The following HID1 variants were observed in gnomAD, a reference collection of about 807,000 sequenced individuals.
HID1 encodes the protein HID1 domain containing, also known as protein HID1.
Under a neutral mutation model 89.7 loss-of-function variants are expected in HID1, and 42 were observed. That is an observed-to-expected ratio of 0.47 (90% confidence interval 0.37 to 0.61). HID1 has a LOEUF of 0.61. Ranked by LOEUF, HID1 falls within the 20% of genes least tolerant of loss-of-function variation. HID1 has a pLI of 0.00. For synonymous variants in HID1, 442 were observed against 433.8 expected (o/e 1.02, Z -0.24); for missense variants, 854 against 1,039.3 (o/e 0.82, Z 2.45).
At chr17:74,956,709 C>T (rs775129259) in intron 12 of HID1, among the ~76,000 whole-genome samples, 1 of 152,246 alleles carries the variant, frequency 6.6e-6, no homozygotes, top group Non-Finnish European at 1.5e-5. Flanking sequence ...ACAGACCAGC[C>T]ACCCCTAGCC....
intron 13 of HID1, among the ~76,000 whole-genome samples, chr17:74,955,135 A>T (rs1161533398): frequency 1.3e-5 from 2 of 152,222 alleles, no homozygotes; most frequent in Non-Finnish European, 2.9e-5. Flanking sequence ...TGCCCTGGTC[A>T]CAGGGCTAAC....
intron 1 of HID1, among the ~76,000 whole-genome samples, chr17:74,968,271 T>C (rs2039592537): frequency 7.8e-6 from 1 of 127,698 alleles, no homozygotes; most frequent in African/African-American, 3.0e-5. Context: ...TGAAGCCCCA[T>C]CAGTCCCTGA....
intron 6 of HID1, 135 bp from the exon 7 acceptor site, chr17:74,960,383 G>T: frequency 1.3e-6 from 1 of 746,280 alleles, no homozygotes; most frequent in Non-Finnish European, 2.2e-6. Flanking sequence ...GGCTTGGAAA[G>T]AGTGGGTGTG....
chr17:74,958,219 C>T lies in HID1; in HGVS notation c.1393G>A (p.Val465Met), dbSNP rs1166270806. 1 of 1,610,334 alleles carries T rather than the reference C, an allele frequency of 6.2e-7. No individual in the cohort carries two copies. The highest frequency in any genetic ancestry group is 8.5e-7 in the Non-Finnish European group (1 of 1,178,494). The stretch of plus-strand genomic sequence containing the variant: ...CCGCTGGTGATGATCTTGTGGAACA[C>T]CTGTGCCAGGAGGGACAGAGGCACC... ...TGTHADLLIV[V>M]FHKIITSGHQ... The change falls in exon 12 of 19, where the codon GTG becomes ATG. Residue 465 changes from valine to methionine, a missense_variant and splice_region_variant. Physicochemically the swap from Val to Met is conservative, Grantham distance 21. Coordinates refer to ENST00000425042, the MANE Select transcript of HID1 (RefSeq NM_030630.3). The surrounding 1 kb of genome is among the most constrained non-coding windows in gnomAD (Gnocchi z 5.2).
Position 74,959,098 on chromosome 17 carries a change from A to G in HID1, c.1009-47T>C. On this transcript the variant is annotated intron_variant, in intron 8 of 18. Coordinates refer to ENST00000425042, the MANE Select transcript of HID1 (RefSeq NM_030630.3). This position sits in a 1 kb window ranked among gnomAD's most constrained non-coding sequence, Gnocchi z 4.6. ...GGGGCCTGTCCAGCCCAATCCCTGC[A>G]GCTCCAGTTTCCCAGCCCAGGCCCC... 6.7e-7 allele frequency: 1 copy of G among 1,490,958 alleles called. No homozygotes were observed. The highest frequency in any genetic ancestry group is 1.4e-5 in the South Asian group (1 of 69,862). 92.4% of individuals were successfully genotyped at this position (1,490,958 alleles called of 1,614,324 possible). A position where few individuals can be genotyped will look rare whatever the true frequency, so the allele number is the denominator to read the frequency against.
chr17:74,951,854 C>T (rs374215717), intron 18 of HID1, 51 bp downstream of exon 18: 38 of 1,469,418 alleles, frequency 2.6e-5, no homozygotes, highest in Non-Finnish European at 3.1e-5. Flanking sequence ...CCCTGTTGAG[C>T]CCTGCTGGGC....
chr17:74,952,115 G>A lies in HID1; in HGVS notation c.2145-52C>T, dbSNP rs756921959. Reference sequence around the variant, plus strand: ...CACTCACGTGGTCCAGGGGAGCACGGGGCTCACCCTGGCCACCCAAGACCC... The same window carrying A: ...CACTCACGTGGTCCAGGGGAGCACGAGGCTCACCCTGGCCACCCAAGACCC... On this transcript the variant is annotated intron_variant, in intron 17 of 18. Coordinates refer to ENST00000425042, the MANE Select transcript of HID1 (RefSeq NM_030630.3). 5 of 1,535,632 alleles carry A rather than the reference G, an allele frequency of 3.3e-6. No individual in the cohort carries two copies. In the South Asian group the frequency reaches 3.6e-5, roughly 11 times the overall value.
In HID1 at chr17:74,964,539, C is replaced by G; in HGVS notation, c.160G>C (p.Glu54Gln). Residue 54 changes from glutamate (E) to glutamine (Q), a missense_variant, in exon 2 of 19, where the codon GAG (glutamate) becomes CAG (glutamine). Glu to Gln is a conservative substitution (Grantham distance 29). Transcript: ENST00000425042. Reference protein sequence around the residue: ...QDVFALVPAAEIRAVREESPS... With the variant: ...QDVFALVPAAQIRAVREESPS... ...GACTCTTCCCGCACGGCCCGGATCT[C>G]TGCTGCCGGCACCAGTGCAAACACA... The G allele has an allele frequency of 6.2e-7, 1 of 1,610,176 alleles. No individual in the cohort carries two copies. The highest frequency in any genetic ancestry group is 2.2e-5 in the East Asian group (1 of 44,796).
chr17:74,956,729 C>T, intron 12 of HID1, among the ~76,000 whole-genome samples: 1 of 152,232 alleles, frequency 6.6e-6, no homozygotes, highest in Non-Finnish European at 1.5e-5. Flanking sequence ...CACAACCATC[C>T]TCTCCAAAAG....
rs1027447739 is a variant in HID1, at chr17:74,962,998, G to C, written c.471C>G (p.Asp157Glu). The C allele has an allele frequency of 6.2e-7, 1 of 1,613,658 alleles. No individual in the cohort carries two copies. Residue 157 changes from aspartate to glutamate, a missense_variant, in exon 4 of 19, where the codon GAC becomes GAG. By Grantham distance (45) the Asp-to-Glu change is conservative. Transcript: ENST00000425042. The surrounding 1 kb of genome is among the most constrained non-coding windows in gnomAD (Gnocchi z 4.3). ...TCCTCCGGTGGCTCTGAACCGTGAA[G>C]TCCGGGCAGAAGAGCAGGTCAGCAA... is the stretch of plus-strand genomic sequence containing the variant. ...LAIADLLFCP[D>E]FTVQSHRRST...
chr17:74,958,856 G>T lies in HID1; in HGVS notation c.1149+55C>A. ...AGTCTGACACTGTCCCTGCCCCCGG[G>T]TTATTGGGGCAGCTGCTCTCCATCT... On this transcript the variant is annotated intron_variant, in intron 9 of 18. Coordinates refer to ENST00000425042, the MANE Select transcript of HID1 (RefSeq NM_030630.3). This position sits in a 1 kb window ranked among gnomAD's most constrained non-coding sequence, Gnocchi z 5.2. 6.3e-7 allele frequency: 1 copy of T among 1,582,418 alleles called. No individual in the cohort carries two copies.
In HID1 at chr17:74,952,075, G is replaced by A. The variant is rs1297793632; in HGVS notation, c.2145-12C>T. ...CATCCGTCAGGCCCCTGCGGGGAGAGGGGTATCTCCAGCACACTCACGTGG... is the reference window on the plus strand; with the variant it reads ...CATCCGTCAGGCCCCTGCGGGGAGAAGGGTATCTCCAGCACACTCACGTGG... On this transcript the variant is annotated splice_polypyrimidine_tract_variant and intron_variant, in intron 17 of 18. Coordinates refer to ENST00000425042, the MANE Select transcript of HID1 (RefSeq NM_030630.3). 5 of 1,555,236 alleles carry A rather than the reference G, an allele frequency of 3.2e-6. No individual in the cohort carries two copies. Among genetic ancestry groups the A allele is most frequent in the Non-Finnish European group, 4.3e-6 (5 of 1,149,472 alleles).
intron 1 of HID1, among the ~76,000 whole-genome samples, chr17:74,968,266 C>G (rs114018899): frequency 0.024 from 3,449 of 143,818 alleles, 130 homozygotes; most frequent in African/African-American, 0.083. Context: ...TGCCTTGAAG[C>G]CCCATCAGTC....
intron 6 of HID1, among the ~76,000 whole-genome samples, chr17:74,961,096 G>A (rs1202091100): frequency 6.6e-6 from 1 of 152,156 alleles, no homozygotes; most frequent in Non-Finnish European, 1.5e-5. Context: ...GAGCTGTCGA[G>A]CCCTTGGAAT....
At position 74,962,218 on chromosome 17, in the gene HID1, C is replaced by G; in HGVS notation, c.611+16G>C. The G allele has an allele frequency of 6.3e-7, 1 of 1,590,070 alleles. No homozygotes were observed. Among genetic ancestry groups the G allele is most frequent in the Non-Finnish European group, 8.6e-7 (1 of 1,161,760 alleles). ...GTCCAGCTGCATTGAGGGCTCCGGG[C>G]CTGGGCGAAGCTCACCGGTTCATAT... On this transcript the variant is annotated intron_variant, in intron 5 of 18. Coordinates refer to ENST00000425042, the MANE Select transcript of HID1 (RefSeq NM_030630.3). The surrounding 1 kb of genome is among the most constrained non-coding windows in gnomAD (Gnocchi z 4.3).
chr17:74,958,150 C>CGTT lies in HID1; in HGVS notation c.1461_1462insAAC (p.Ile487_Val488insAsn). 6.2e-7 allele frequency: 1 copy of CGTT among 1,608,328 alleles called. No individual in the cohort carries two copies. The stretch of plus-strand genomic sequence containing the variant: ...AGCTCCGGGCCCCTACCGTTGACCA[C>CGTT]GATGGTGAGCAGGCAGTCGAAGAGG... On this transcript the variant is annotated inframe_insertion, in exon 12 of 19. Transcript: ENST00000425042. The surrounding 1 kb of genome is among the most constrained non-coding windows in gnomAD (Gnocchi z 5.2).
rs2039290790 is a variant in HID1 at position 74,951,095 on chromosome 17, CT to C, written c.*474del. On this transcript the variant is annotated 3_prime_UTR_variant, in exon 19 of 19. Transcript: ENST00000425042. ...TCCTCGAGGAGCAGCCTGGCCACAC[CT>C]TTTTCCCCTGGAGCCTGGAACAGCT... 6.4e-6 allele frequency: 1 copy of C among 157,066 alleles called. No homozygotes were observed. The highest frequency in any genetic ancestry group is 1.4e-5 in the Non-Finnish European group (1 of 71,492). 9.7% of individuals were successfully genotyped at this position (157,066 alleles called of 1,614,324 possible).
At position 74,958,606 on chromosome 17, in the gene HID1, C is replaced by T; in HGVS notation, c.1240+67G>A. ...AGGCCTGAGCTCCTGGGAGTCAGGGCAGATAGCCAGCCCTCCACCTCGCCG... is the reference window on the plus strand; with the variant it reads ...AGGCCTGAGCTCCTGGGAGTCAGGGTAGATAGCCAGCCCTCCACCTCGCCG... On this transcript the variant is annotated intron_variant, in intron 10 of 18. Coordinates refer to ENST00000425042, the MANE Select transcript of HID1 (RefSeq NM_030630.3). The surrounding 1 kb of genome is among the most constrained non-coding windows in gnomAD (Gnocchi z 5.2). The T allele has an allele frequency of 1.3e-6, 2 of 1,589,594 alleles. No homozygotes were observed. Among genetic ancestry groups the T allele is most frequent in the East Asian group, 2.2e-5 (1 of 44,626 alleles).
rs889503153 is a variant in HID1 at position 74,958,854 on chromosome 17, G to A, written c.1149+57C>T. ...TCAGTCTGACACTGTCCCTGCCCCC[G>A]GGTTATTGGGGCAGCTGCTCTCCAT... On this transcript the variant is annotated intron_variant, in intron 9 of 18. Transcript: ENST00000425042. The surrounding 1 kb of genome is among the most constrained non-coding windows in gnomAD (Gnocchi z 5.2). 54 of 1,580,250 alleles carry A rather than the reference G, an allele frequency of 3.4e-5. No homozygotes were observed. Among genetic ancestry groups the A allele is most frequent in the Non-Finnish European group, 4.1e-5 (48 of 1,162,122 alleles).
Sources: gnomAD v4.1 joint callset for allele counts (sites outside exome capture counted in the v4.1 genomes callset) on GRCh38, gnomAD v4.1.1 for gene constraint, Gnocchi (gnomAD v3.1) non-coding constraint, MANE v1.5 for transcripts, NCBI Gene and HGNC (gene_info 2026-07-23, HGNC 2026-07-21) for gene names.